Variants in DPP4 observed in about 807,000 individuals in gnomAD.
DPP4 encodes ADCP-2.
A neutral mutation model predicts 122.4 loss-of-function variants in DPP4; 93 were observed. The ratio of observed to expected loss-of-function variants is 0.76; its 90% CI spans 0.64 to 0.90. The LOEUF (loss-of-function observed/expected upper bound fraction) is 0.90. Ranked by LOEUF, DPP4 falls within the 40% of genes least tolerant of loss-of-function variation. DPP4 has a pLI of 0.00. For synonymous variants in DPP4, 321 were observed against 302.9 expected, an observed-to-expected ratio of 1.06 and a Z score of -0.62; for missense variants, 914 against 907.3, an observed-to-expected ratio of 1.01 and a Z score of -0.09.
intron 5 of DPP4, among the ~76,000 whole-genome samples, chr2:162,040,511 A>G (rs1683946245): frequency 6.6e-6 from 1 of 152,062 alleles, no homozygotes; most frequent in Admixed American, 6.6e-5. Context: ...AAAAGGTAAA[A>G]CTATGGAGAG....
chr2:162,043,063 G>A (rs1366561630), intron 5 of DPP4, among the ~76,000 whole-genome samples: 1 of 152,186 alleles, frequency 6.6e-6, no homozygotes, highest in Admixed American at 6.5e-5. Context: ...GGTGATGCTT[G>A]AGAAAAAGAA....
chr2:162,012,946 A>C (rs1192850451), intron 19 of DPP4, among the ~76,000 whole-genome samples: 1 of 152,150 alleles, frequency 6.6e-6, no homozygotes, highest in African/African-American at 2.4e-5. Flanking sequence ...CGTTTTAAAC[A>C]AAACACTATA....
At chr2:162,020,197 G>A (rs370364281) in intron 14 of DPP4, 32 bp downstream of exon 14, 2 of 1,579,154 alleles carry the variant, frequency 1.3e-6, no homozygotes, top group Admixed American at 1.8e-5. Flanking sequence ...TGACAAGTAG[G>A]TTTATATCCT....
chr2:162,000,370 C>T (rs574077442), intron 23 of DPP4, among the ~76,000 whole-genome samples: 1 of 152,232 alleles, frequency 6.6e-6, no homozygotes, highest in Admixed American at 6.5e-5. Context: ...CCATGGGATG[C>T]CAAGGAGAGA....
chr2:162,012,072 T>A, intron 19 of DPP4, 85 bp from the exon 20 acceptor site: 1 of 1,316,570 alleles, frequency 7.6e-7, no homozygotes, highest in Non-Finnish European at 1.1e-6. Context: ...CGTGGAGAAG[T>A]ATGCATCCTT....
At chr2:162,016,918 A>G in intron 17 of DPP4, 52 bp from the exon 18 acceptor site, 1 of 1,544,466 alleles carries the variant, frequency 6.5e-7, no homozygotes, top group South Asian at 1.2e-5. Context: ...AAAAATGTGG[A>G]TTATGTAGTG....
intron 5 of DPP4, among the ~76,000 whole-genome samples, chr2:162,044,089 G>A (rs1281633334): frequency 6.6e-6 from 1 of 152,130 alleles, no homozygotes; most frequent in Non-Finnish European, 1.5e-5. Context: ...TACTGATCTG[G>A]GGATTGAACC....
At chr2:162,045,775 A>C (rs778538920) in intron 4 of DPP4, among the ~76,000 whole-genome samples, 163 bp from the exon 5 acceptor site, 1 of 152,224 alleles carries the variant, frequency 6.6e-6, no homozygotes, top group Non-Finnish European at 1.5e-5. Flanking sequence ...ACCGTGATGC[A>C]AGGTAGGTGG....
At chr2:162,027,706 T>G (rs1444237622) in intron 10 of DPP4, among the ~76,000 whole-genome samples, 1 of 152,170 alleles carries the variant, frequency 6.6e-6, no homozygotes, top group African/African-American at 2.4e-5. Context: ...CTAAATAGCT[T>G]TATCTATTAA....
At chr2:162,028,057 T>TAAAA (rs201617035) in intron 10 of DPP4, among the ~76,000 whole-genome samples, 1 of 133,902 alleles carries the variant, frequency 7.5e-6, no homozygotes. Context: ...AAGAATCATT[T>TAAAA]AAAAAAAAAA....
chr2:162,014,714 GT>G (rs1352311844), intron 18 of DPP4, among the ~76,000 whole-genome samples: 1 of 152,084 alleles, frequency 6.6e-6, no homozygotes, highest in Non-Finnish European at 1.5e-5. Context: ...TTGGTGCCTA[GT>G]AACATAAAAG....
At position 162,061,051 on chromosome 2, in the gene DPP4, T is replaced by A. The variant is rs188590539; in HGVS notation, c.94+12348A>T. On this transcript the variant is annotated intron_variant, in intron 2 of 25. Transcript: ENST00000360534. Reference sequence around the variant, plus strand: ...TTCCTTCCTTCCTCTTTCTCTTTTTTACTTGAAACAGGGTCTCACTCTGTC... The same window carrying A: ...TTCCTTCCTTCCTCTTTCTCTTTTTAACTTGAAACAGGGTCTCACTCTGTC... 2.2e-3 allele frequency among the ~76,000 whole-genome samples: 320 copies of A among 143,078 alleles called. 1 individual carries two copies. The highest frequency in any genetic ancestry group is 8.2e-3 in the African/African-American group (306 of 37,536). 93.9% of individuals were successfully genotyped at this position (143,078 alleles called of 152,430 possible).
chr2:162,073,951 G>C, intron 1 of DPP4, 25 bp downstream of exon 1: 1 of 1,611,926 alleles, frequency 6.2e-7, no homozygotes, highest in Non-Finnish European at 8.5e-7. Flanking sequence ...GCTCGCCCCG[G>C]GGACGTACGT....
Position 162,038,744 on chromosome 2 carries a change from T to C in DPP4, c.492+205A>G, listed in dbSNP as rs115757129. Among the ~76,000 whole-genome samples, 397 of 152,232 alleles carry C rather than the reference T, an allele frequency of 2.6e-3. 1 individual carries two copies. The highest frequency in any genetic ancestry group is 9.1e-3 in the African/African-American group (377 of 41,560). ...TGATATATGCTTGTATATTTCTTTA[T>C]TGGGAGAGTGAGTAGAGAGAAGGCA... On this transcript the variant is annotated intron_variant, in intron 7 of 25. Transcript: ENST00000360534.
intron 2 of DPP4, among the ~76,000 whole-genome samples, chr2:162,049,807 T>C (rs1024963205): frequency 4.6e-5 from 7 of 152,214 alleles, no homozygotes; most frequent in Non-Finnish European, 1.0e-4. Flanking sequence ...TCAGATCTTA[T>C]CTGATAATAG....
chr2:162,028,072 CAAAA>C (rs1218962922), intron 10 of DPP4, among the ~76,000 whole-genome samples: 2 of 145,738 alleles, frequency 1.4e-5, no homozygotes, highest in Non-Finnish European at 3.0e-5. Context: ...AAAAAAAAAA[CAAAA>C]AACTGCCAGG....
intron 12 of DPP4, among the ~76,000 whole-genome samples, chr2:162,022,086 T>C (rs540442096): frequency 2.0e-5 from 3 of 152,340 alleles, no homozygotes; most frequent in Non-Finnish European, 4.4e-5. Context: ...ATTCCTCATC[T>C]ACCATGCAAG....
At position 162,074,208 on chromosome 2, in the gene DPP4, G is replaced by A. The variant is rs1685229263; in HGVS notation, c.-227C>T. The A allele has an allele frequency of 2.5e-6, 3 of 1,223,898 alleles. No individual in the cohort carries two copies. Among genetic ancestry groups the A allele is most frequent in the South Asian group, 4.0e-5 (1 of 24,966 alleles). The allele number at this position is 1,223,898 out of a possible 1,614,324, so 75.8% of individuals were successfully genotyped here. A position where few individuals can be genotyped will look rare whatever the true frequency, so the allele number is the denominator to read the frequency against. On this transcript the variant is annotated 5_prime_UTR_variant, in exon 1 of 26. Transcript: ENST00000360534. ...GCGCGGGAGCAGGCGCGCGTGGCGCGGGGCACTGGCATCCCGGCCGGGGGG... is the reference window on the plus strand; with the variant it reads ...GCGCGGGAGCAGGCGCGCGTGGCGCAGGGCACTGGCATCCCGGCCGGGGGG...
At chr2:162,040,545 G>A (rs1432951858) in intron 5 of DPP4, among the ~76,000 whole-genome samples, 2 of 151,920 alleles carry the variant, frequency 1.3e-5, no homozygotes, top group East Asian at 3.9e-4. Context: ...GTGGTTGCTT[G>A]GAGACTGGGG....
Sources: allele counts gnomAD v4.1 joint callset (sites outside exome capture counted in the v4.1 genomes callset), GRCh38; gene constraint gnomAD v4.1.1; transcripts MANE v1.5; gene names NCBI Gene and HGNC (gene_info 2026-07-23, HGNC 2026-07-21).